MAP7D2: variants seen among roughly 807,000 people sequenced by gnomAD.
The protein encoded by MAP7D2 is MAP7 domain containing 2, also known as MAP7 domain-containing protein 2.
A neutral mutation model predicts 63.5 loss-of-function variants in MAP7D2; 33 were observed. That is an observed-to-expected ratio of 0.52 (90% CI 0.39 to 0.70). The LOEUF (loss-of-function observed/expected upper bound fraction) is 0.70. Ranked by LOEUF, MAP7D2 falls within the 30% of genes least tolerant of loss-of-function variation. MAP7D2 has a pLI of 0.00. For missense variants in MAP7D2, 626 were observed against 604.0 expected (o/e 1.04, Z -0.38); for synonymous variants, 224 against 223.7 (o/e 1.00, Z -0.01).
In MAP7D2 at chrX:20,016,237, G is replaced by A. The variant is rs757262581; in HGVS notation, c.1501C>T (p.Arg501Trp). 14 of 1,204,929 alleles carry A rather than the reference G, an allele frequency of 1.2e-5. No homozygotes were observed. The Admixed American group carries it at 2.0e-4, about 17-fold the overall frequency. Residue 501 changes from arginine to tryptophan, a missense_variant, in exon 11 of 17, where the codon CGG becomes TGG. Transcript: ENST00000379643. ...EARKQEEERK[R>W]QEEEKKKQEG... ...TGTTTTTTCTTTTCCTCTTCCTGCC[G>A]CTTCCTTTCTTCTTCCTGCTTTCGG...
chrX:20,045,459 T>C (rs1202832292), intron 6 of MAP7D2, among the ~76,000 whole-genome samples: 1 of 97,360 alleles, frequency 1.0e-5, no homozygotes, highest in Non-Finnish European at 2.0e-5. Context: ...CCTGGAAAGT[T>C]GAGGCTGCAG....
intron 3 of MAP7D2, 34 bp from the exon 4 acceptor site, chrX:20,056,825 A>G: frequency 8.7e-7 from 1 of 1,145,987 alleles, no homozygotes; most frequent in Non-Finnish European, 1.2e-6. Flanking sequence ...TGTTAACAAG[A>G]TTAACTACCC....
intron 10 of MAP7D2, among the ~76,000 whole-genome samples, chrX:20,021,114 G>C (rs2073623265): frequency 8.9e-6 from 1 of 112,384 alleles, no homozygotes; most frequent in Admixed American, 9.4e-5. Flanking sequence ...TCCCCAGGGT[G>C]GACCCGGCGT....
At chrX:20,110,422 A>T (rs1247940011) in intron 1 of MAP7D2, among the ~76,000 whole-genome samples, 1 of 109,512 alleles carries the variant, frequency 9.1e-6, no homozygotes, top group African/African-American at 3.3e-5. Flanking sequence ...CCAGGAAGCG[A>T]GGTTGCAGAG....
In MAP7D2 at chrX:20,026,789, G is replaced by A. The variant is rs1437888747; in HGVS notation, c.1008-837C>T. Among the ~76,000 whole-genome samples, 3 of 111,896 alleles carry A rather than the reference G, an allele frequency of 2.7e-5. No homozygotes were observed. The Admixed American group carries it at 2.8e-4, about 11-fold the overall frequency. On this transcript the variant is annotated intron_variant, in intron 8 of 16. Transcript: ENST00000379643. ...TGGTGAGTGCTGCTTGTTCAGGACA[G>A]GGGTAACAGCTTAGCTTGAGATGCC...
Position 20,016,088 on chromosome X carries a change from C to T in MAP7D2, c.1644+6G>A, listed in dbSNP as rs746436620. ...AGTAAAGTCCATCTGAGGACTCATACAGTACCTGCTTTTCAATCATGGCTT... is the reference window on the plus strand; with the variant it reads ...AGTAAAGTCCATCTGAGGACTCATATAGTACCTGCTTTTCAATCATGGCTT... On this transcript the variant is annotated splice_donor_region_variant and intron_variant, in intron 11 of 16. Coordinates refer to ENST00000379643, the MANE Select transcript of MAP7D2 (RefSeq NM_001168465.2). 1 of 1,204,292 alleles carries T rather than the reference C, an allele frequency of 8.3e-7. No homozygotes were observed. The highest frequency in any genetic ancestry group is 1.8e-5 in the African/African-American group (1 of 57,132).
rs1425583280 is a variant in MAP7D2, at chrX:20,007,971, GAT to G, written c.*452_*453del. ...TTCTCTGTCTCAAAAAAGACAGGGA[GAT>G]ATACAGTGCAAGTTGAGTATATGTT... On this transcript the variant is annotated 3_prime_UTR_variant, in exon 17 of 17. Coordinates refer to ENST00000379643, the MANE Select transcript of MAP7D2 (RefSeq NM_001168465.2). 1 of 112,331 alleles carries G rather than the reference GAT, an allele frequency of 8.9e-6. No homozygotes were observed. The highest frequency in any genetic ancestry group is 1.9e-5 in the Non-Finnish European group (1 of 53,279). The allele number at this position is 112,331 out of a possible 1,213,427, so 9.3% of individuals were successfully genotyped here.
intron 1 of MAP7D2, among the ~76,000 whole-genome samples, chrX:20,087,275 C>G (rs2065932941): frequency 8.9e-6 from 1 of 112,192 alleles, no homozygotes; most frequent in Admixed American, 9.4e-5. Flanking sequence ...GAGTTTGGGT[C>G]ATGAGGGTTT....
In MAP7D2 at chrX:20,025,050, G is replaced by A. The variant is rs867760616; in HGVS notation, c.1313C>T (p.Ala438Val). ...AGCCAAGATCTTCGCAGCCTCTCCT[G>A]CATCAGTGGTGCCTGCTGTGGGCTT... ...LGKPTAGTTD[A>V]GEAAKILAEK... Residue 438 changes from alanine (A) to valine (V), a missense_variant, in exon 10 of 17, where the codon GCA (alanine) becomes GTA (valine). Physicochemically the swap from Ala to Val is moderately conservative, Grantham distance 64. Coordinates refer to ENST00000379643, the MANE Select transcript of MAP7D2 (RefSeq NM_001168465.2). The A allele has an allele frequency of 1.7e-6, 2 of 1,210,293 alleles. No individual in the cohort carries two copies. The highest frequency in any genetic ancestry group is 4.6e-4 in the Middle Eastern group (2 of 4,351).
chrX:20,011,165 G>T, intron 15 of MAP7D2, 113 bp from the exon 16 acceptor site: 1 of 792,378 alleles, frequency 1.3e-6, no homozygotes, highest in Non-Finnish European at 1.8e-6. Context: ...AAAGAAGAAG[G>T]ATTTAGAGTC....
chrX:20,017,411 T>C (rs1159617644), intron 10 of MAP7D2, among the ~76,000 whole-genome samples: 3 of 112,339 alleles, frequency 2.7e-5, no homozygotes, highest in African/African-American at 9.7e-5. Context: ...GCCAATGACT[T>C]ACTGGGATGC....
chrX:20,085,767 A>G (rs2065896579), intron 1 of MAP7D2, among the ~76,000 whole-genome samples: 1 of 112,065 alleles, frequency 8.9e-6, no homozygotes, highest in African/African-American at 3.3e-5. Flanking sequence ...GATGGAGTGC[A>G]GTGGTGCAAT....
chrX:20,060,422 G>A (rs866384135), intron 3 of MAP7D2, among the ~76,000 whole-genome samples: 5 of 67,517 alleles, frequency 7.4e-5, no homozygotes, highest in Admixed American at 1.9e-4. Context: ...AGAAAAGAGA[G>A]AGAGAGAGAG....
Position 20,088,468 on chromosome X carries a change from GTTT to G in MAP7D2, c.131-23666_131-23664del, listed in dbSNP as rs779366726. Among the ~76,000 whole-genome samples the G allele has an allele frequency of 2.7e-4, 11 of 41,074 alleles. 1 individual carries two copies. Among genetic ancestry groups the G allele is most frequent in the African/African-American group, 6.6e-4 (11 of 16,662 alleles). 35.7% of individuals were successfully genotyped at this position (41,074 alleles called of 115,157 possible). ...CCCCACCACACCCAGCTAATTTTCAGTTTTTTTTTTTTTTTTTTTTTTTTTTTT... is the reference window on the plus strand; with the variant it reads ...CCCCACCACACCCAGCTAATTTTCAGTTTTTTTTTTTTTTTTTTTTTTTTT... On this transcript the variant is annotated intron_variant, in intron 1 of 16. Coordinates refer to ENST00000379643, the MANE Select transcript of MAP7D2 (RefSeq NM_001168465.2).
At chrX:20,045,142 T>C (rs1252779862) in intron 6 of MAP7D2, among the ~76,000 whole-genome samples, 1 of 110,917 alleles carries the variant, frequency 9.0e-6, no homozygotes, top group Non-Finnish European at 1.9e-5. Flanking sequence ...AATGTGTTGG[T>C]AGAGGAATTA....
chrX:20,099,275 G>A (rs2066364312), intron 1 of MAP7D2, among the ~76,000 whole-genome samples: 1 of 106,304 alleles, frequency 9.4e-6, no homozygotes, highest in African/African-American at 3.5e-5. Flanking sequence ...TCTCTCTCAG[G>A]TCACAGCAAT....
chrX:20,027,757 G>GAGAGA lies in MAP7D2; in HGVS notation c.1008-1806_1008-1805insTCTCT, dbSNP rs2073912141. Among the ~76,000 whole-genome samples the GAGAGA allele has an allele frequency of 4.2e-4, 32 of 76,247 alleles. 2 individuals are homozygous for GAGAGA. Among genetic ancestry groups the GAGAGA allele is most frequent in the African/African-American group, 1.8e-3 (32 of 18,113 alleles). The allele number at this position is 76,247 out of a possible 115,157, so 66.2% of individuals were successfully genotyped here. ...GGAGAGAGGGAGAGAGAAGGCGGGG[G>GAGAGA]GAGAGAGAGAGAGAGAGAGAGAGAG... On this transcript the variant is annotated intron_variant, in intron 8 of 16. Coordinates refer to ENST00000379643, the MANE Select transcript of MAP7D2 (RefSeq NM_001168465.2).
At chrX:20,023,537 G>A (rs2073730943) in intron 10 of MAP7D2, among the ~76,000 whole-genome samples, 2 of 112,622 alleles carry the variant, frequency 1.8e-5, no homozygotes, top group African/African-American at 6.5e-5. Context: ...GTAGGTGTGA[G>A]GTTTGAAGAC....
chrX:20,106,193 C>T (rs925026071), intron 1 of MAP7D2, among the ~76,000 whole-genome samples: 1 of 112,089 alleles, frequency 8.9e-6, no homozygotes, highest in Non-Finnish European at 1.9e-5. Context: ...CACTTTTCCT[C>T]GATGACAGCT....
Sources: gnomAD v4.1 joint callset for allele counts (sites outside exome capture counted in the v4.1 genomes callset) on GRCh38, gnomAD v4.1.1 for gene constraint, MANE v1.5 for transcripts, NCBI Gene and HGNC (gene_info 2026-07-23, HGNC 2026-07-21) for gene names.